The following CA5A variants were observed in gnomAD, a reference collection of about 807,000 sequenced individuals.
The protein encoded by CA5A is carbonic anhydrase 5A, mitochondrial.
A neutral mutation model predicts 37.1 loss-of-function variants in CA5A; 28 were observed. The ratio of observed to expected loss-of-function variants is 0.75; its 90% CI spans 0.56 to 1.03. The LOEUF is 1.03. Ranked by LOEUF, CA5A falls within the 50% of genes least tolerant of loss-of-function variation. The pLI, the probability that CA5A is intolerant of heterozygous loss-of-function variation, is 0.00. For synonymous variants in CA5A, 171 were observed against 158.4 expected (o/e 1.08, Z -0.60); for missense variants, 444 against 399.9 (o/e 1.11, Z -0.94).
chr16:87,918,449 G>C (rs2056185420), intron 2 of CA5A, among the ~76,000 whole-genome samples: 1 of 143,994 alleles, frequency 6.9e-6, no homozygotes, highest in Non-Finnish European at 1.5e-5. Context: ...ACGCTCCCTG[G>C]AAAGAGCCCT....
intron 2 of CA5A, among the ~76,000 whole-genome samples, chr16:87,926,221 TATAAAATAAA>T (rs111594497): frequency 4.0e-5 from 6 of 150,490 alleles, no homozygotes; most frequent in Admixed American, 6.7e-5. Flanking sequence ...TCTGTCTCAA[TATAAAATAAA>T]ATAAAATAAA....
chr16:87,888,275 G>T lies in CA5A; in HGVS notation c.775-3C>A. The stretch of plus-strand genomic sequence containing the variant: ...AGGAGAGTACGAAATGCAGAGAGCT[G>T]GAATAGAGGGCAGCCAGGGTGAGCT... On this transcript the variant is annotated splice_region_variant and splice_polypyrimidine_tract_variant and intron_variant, in intron 6 of 6. Coordinates refer to ENST00000649794, the MANE Select transcript of CA5A (RefSeq NM_001739.2). The T allele has an allele frequency of 6.2e-7, 1 of 1,611,274 alleles. No homozygotes were observed. Among genetic ancestry groups the T allele is most frequent in the East Asian group, 2.2e-5 (1 of 44,832 alleles).
At chr16:87,927,295 G>C (rs2056326616) in intron 1 of CA5A, among the ~76,000 whole-genome samples, 1 of 152,164 alleles carries the variant, frequency 6.6e-6, no homozygotes, top group South Asian at 2.1e-4. Context: ...GGGTGGAGGA[G>C]GGCGCTGTGG....
At chr16:87,914,234 G>A (rs758109262) in intron 2 of CA5A, among the ~76,000 whole-genome samples, 2 of 152,256 alleles carry the variant, frequency 1.3e-5, no homozygotes, top group Non-Finnish European at 2.9e-5. Context: ...AGTGGCGAGA[G>A]GAAGTCACGG....
chr16:87,904,952 G>C (rs763541320), intron 2 of CA5A, 48 bp from the exon 3 acceptor site: 13 of 1,215,256 alleles, frequency 1.1e-5, no homozygotes, highest in Non-Finnish European at 1.6e-5. Flanking sequence ...TCTGTTTGTT[G>C]AGCTGTGGTG....
At chr16:87,895,160 G>A (rs2055784113) in intron 5 of CA5A, among the ~76,000 whole-genome samples, 1 of 152,166 alleles carries the variant, frequency 6.6e-6, no homozygotes. Flanking sequence ...TGAGGTGGGA[G>A]GATGGCTTGA....
intron 5 of CA5A, among the ~76,000 whole-genome samples, chr16:87,901,236 A>G (rs2055873423): frequency 6.6e-6 from 1 of 152,244 alleles, no homozygotes; most frequent in South Asian, 2.1e-4. Flanking sequence ...CGAAAAAATA[A>G]AAAAGAAAAG....
chr16:87,928,317 C>T (rs1048847177), intron 1 of CA5A, among the ~76,000 whole-genome samples: 2 of 152,174 alleles, frequency 1.3e-5, no homozygotes, highest in African/African-American at 4.8e-5. Flanking sequence ...GTAAACACCA[C>T]CATGCCTGGC....
At chr16:87,921,457 T>C (rs2144043914) in intron 2 of CA5A, among the ~76,000 whole-genome samples, 1 of 152,362 alleles carries the variant, frequency 6.6e-6, no homozygotes, top group South Asian at 2.1e-4. Context: ...AGCTGGCCTT[T>C]GCACAGCCAT....
At chr16:87,928,561 C>T (rs1481561926) in intron 1 of CA5A, among the ~76,000 whole-genome samples, 1 of 151,940 alleles carries the variant, frequency 6.6e-6, no homozygotes, top group Non-Finnish European at 1.5e-5. Context: ...ACATTGTGAA[C>T]TCATTTTGTG....
chr16:87,934,830 C>A (rs1372300849), intron 1 of CA5A, among the ~76,000 whole-genome samples: 2 of 152,158 alleles, frequency 1.3e-5, no homozygotes, highest in South Asian at 2.1e-4. Context: ...CGTGGTGGCA[C>A]ACGCCTGTAG....
At chr16:87,921,541 C>G (rs2056229339) in intron 2 of CA5A, among the ~76,000 whole-genome samples, 1 of 152,210 alleles carries the variant, frequency 6.6e-6, no homozygotes, top group Admixed American at 6.5e-5. Flanking sequence ...GTCACGTGCC[C>G]ATGCCTGTAC....
At chr16:87,920,398 C>T (rs537907685) in intron 2 of CA5A, among the ~76,000 whole-genome samples, 38 of 152,210 alleles carry the variant, frequency 2.5e-4, no homozygotes, top group Non-Finnish European at 4.3e-4. Context: ...CTGCAACCTC[C>T]GCCTCCTGGG....
At chr16:87,924,987 A>G (rs1329459390) in intron 2 of CA5A, among the ~76,000 whole-genome samples, 2 of 152,210 alleles carry the variant, frequency 1.3e-5, no homozygotes, top group African/African-American at 4.8e-5. Flanking sequence ...TTATGCCTTC[A>G]ACTCTGTTCA....
At chr16:87,932,165 G>A (rs534554196) in intron 1 of CA5A, among the ~76,000 whole-genome samples, 17 of 151,920 alleles carry the variant, frequency 1.1e-4, no homozygotes, top group South Asian at 1.0e-3. Flanking sequence ...TGCATCCAAC[G>A]GGAAGCAGGA....
intron 1 of CA5A, 85 bp downstream of exon 1, chr16:87,936,224 C>A: frequency 1.1e-6 from 1 of 889,496 alleles, no homozygotes; most frequent in Non-Finnish European, 1.8e-6. Context: ...TGGCTCGGGA[C>A]GGTCTCTCCT....
At chr16:87,926,337 G>T (rs748538003) in intron 2 of CA5A, among the ~76,000 whole-genome samples, 1 of 152,190 alleles carries the variant, frequency 6.6e-6, no homozygotes, top group South Asian at 2.1e-4. Context: ...CAACTTCCTT[G>T]CAGGCCTCTG....
intron 5 of CA5A, among the ~76,000 whole-genome samples, chr16:87,896,303 G>C (rs183137549): frequency 1.6e-4 from 24 of 152,254 alleles, no homozygotes; most frequent in African/African-American, 5.8e-4. Flanking sequence ...TAGGTTTCTT[G>C]CCAATTAAGC....
At chr16:87,901,775 C>T (rs557809782) in intron 5 of CA5A, 137 bp downstream of exon 5, 35 of 584,212 alleles carry the variant, frequency 6.0e-5, no homozygotes, top group South Asian at 2.7e-4. Flanking sequence ...TTAGTGGAGA[C>T]GGGGTTTCTC....
Sources: allele counts gnomAD v4.1 joint callset (sites outside exome capture counted in the v4.1 genomes callset), GRCh38; gene constraint gnomAD v4.1.1; transcripts MANE v1.5; gene names NCBI Gene and HGNC (gene_info 2026-07-23, HGNC 2026-07-21).